Variants in CXADR observed in about 807,000 individuals in gnomAD.
CXADR encodes the protein coxsackievirus and adenovirus receptor.
Under a neutral mutation model 40.3 loss-of-function variants are expected in CXADR, and 20 were observed. The ratio of observed to expected loss-of-function variants is 0.50; its 90% CI spans 0.35 to 0.72. CXADR has a LOEUF of 0.72. Among genes scored for constraint, CXADR ranks in the 30% least tolerant of loss-of-function variants. The probability of loss-of-function intolerance (pLI) is 0.01; values close to 1 mark genes in which losing one functional copy is unlikely to be tolerated. For missense variants in CXADR, 332 were observed against 449.1 expected, an observed-to-expected ratio of 0.74 and a Z score of 2.36; for synonymous variants, 150 against 161.3, an observed-to-expected ratio of 0.93 and a Z score of 0.53.
chr21:17,593,838 A>G (rs1347203829), downstream of CXADR: 1 of 445,314 alleles, frequency 2.2e-6, no homozygotes, highest in East Asian at 4.1e-5. Flanking sequence ...TTGATGCACA[A>G]TATATAAATA....
intron 1 of CXADR, among the ~76,000 whole-genome samples, chr21:17,529,708 T>G (rs1427179706): frequency 6.6e-6 from 1 of 152,232 alleles, no homozygotes; most frequent in African/African-American, 2.4e-5. Flanking sequence ...TTGTTGCTTA[T>G]TCCTTCAGGT....
intron 7 of CXADR, among the ~76,000 whole-genome samples, chr21:17,577,612 C>CTT (rs532541050): frequency 0.055 from 2,020 of 36,586 alleles, 334 homozygotes; most frequent in African/African-American, 0.084. Context: ...ATTCTGCAAG[C>CTT]TTTTTTTTTT....
At chr21:17,540,266 T>C (rs564737346) in intron 1 of CXADR, among the ~76,000 whole-genome samples, 2 of 152,288 alleles carry the variant, frequency 1.3e-5, no homozygotes, top group South Asian at 4.1e-4. Flanking sequence ...AGGTCAGGGA[T>C]TCAACATATG....
downstream of CXADR, among the ~76,000 whole-genome samples, chr21:17,570,938 A>G (rs2061272660): frequency 6.6e-6 from 1 of 152,078 alleles, no homozygotes; most frequent in Non-Finnish European, 1.5e-5. Context: ...GTCGTAGGGG[A>G]CTGTCCTGTG....
Position 17,568,586 on chromosome 21 carries a change from T to G in CXADR, c.*2894T>G, listed in dbSNP as rs1319790305. The G allele has an allele frequency of 2.0e-5, 19 of 973,040 alleles. No homozygotes were observed. In the Admixed American group the frequency reaches 1.2e-3, roughly 59 times the overall value. The allele number at this position is 973,040 out of a possible 1,614,324, so 60.3% of individuals were successfully genotyped here. A position where few individuals can be genotyped will look rare whatever the true frequency, so the allele number is the denominator to read the frequency against. On this transcript the variant is annotated 3_prime_UTR_variant, in exon 7 of 7. Transcript: ENST00000284878. The stretch of plus-strand genomic sequence containing the variant: ...TTTTTTTTTTTTTTAAGAGATAGGG[T>G]TTCACTATTGCTCAGGCTGGTCTCA...
the CXADR span, chr21:17,604,070 C>A: frequency 8.4e-7 from 1 of 1,190,192 alleles, no homozygotes. Context: ...TCTTTCACAA[C>A]TCTATTCATT....
At chr21:17,609,170 G>A in the CXADR span, 1 of 1,595,260 alleles carries the variant, frequency 6.3e-7, no homozygotes, top group Non-Finnish European at 8.5e-7. Context: ...GATAAAACAT[G>A]TTTTCTCAGA....
At chr21:17,546,859 G>C (rs2060903223) in intron 1 of CXADR, among the ~76,000 whole-genome samples, 168 bp from the exon 2 acceptor site, 1 of 152,098 alleles carries the variant, frequency 6.6e-6, no homozygotes, top group Non-Finnish European at 1.5e-5. Flanking sequence ...TTTTACAAAG[G>C]CACAAATTAA....
intron 5 of CXADR, among the ~76,000 whole-genome samples, chr21:17,561,081 A>C (rs2061112584): frequency 6.6e-6 from 1 of 152,240 alleles, no homozygotes; most frequent in Non-Finnish European, 1.5e-5. Flanking sequence ...GTAGCTTAGA[A>C]CATTCTTATA....
Position 17,547,206 on chromosome 21 carries a change from T to A in CXADR, c.210+13T>A, listed in dbSNP as rs1401426410. 1.2e-6 allele frequency: 2 copies of A among 1,613,996 alleles called. No individual in the cohort carries two copies. Among genetic ancestry groups the A allele is most frequent in the Non-Finnish European group, 1.7e-6 (2 of 1,180,020 alleles). On this transcript the variant is annotated intron_variant, in intron 2 of 6. Transcript: ENST00000284878. Reference sequence around the variant, plus strand: ...GGTGGATCAAGTGGTAAGTTTGATATGTCCTTGCTCGCTTAGCAGCTGTCT... The same window carrying A: ...GGTGGATCAAGTGGTAAGTTTGATAAGTCCTTGCTCGCTTAGCAGCTGTCT...
Position 17,561,322 on chromosome 21 carries a change from A to G in CXADR, c.695-16A>G. The G allele has an allele frequency of 1.3e-6, 2 of 1,485,362 alleles. No homozygotes were observed. Among genetic ancestry groups the G allele is most frequent in the Non-Finnish European group, 9.1e-7 (1 of 1,099,080 alleles). 92.0% of individuals were successfully genotyped at this position (1,485,362 alleles called of 1,614,324 possible). A position where few individuals can be genotyped will look rare whatever the true frequency, so the allele number is the denominator to read the frequency against. ...TATATGTATATATTTTTTACTATTAATTCTTCTTATTTTAGCTTCAAATAA... is the reference window on the plus strand; with the variant it reads ...TATATGTATATATTTTTTACTATTAGTTCTTCTTATTTTAGCTTCAAATAA... On this transcript the variant is annotated splice_polypyrimidine_tract_variant and intron_variant, in intron 5 of 6. Transcript: ENST00000284878.
chr21:17,609,546 CAT>C, the CXADR span, among the ~76,000 whole-genome samples: 1 of 152,102 alleles, frequency 6.6e-6, no homozygotes, highest in African/African-American at 2.4e-5. Flanking sequence ...AACTTTAAAA[CAT>C]AAAAAAAGTC....
chr21:17,556,984 A>G (rs996360653), intron 3 of CXADR, among the ~76,000 whole-genome samples: 3 of 152,248 alleles, frequency 2.0e-5, no homozygotes, highest in African/African-American at 7.2e-5. Flanking sequence ...GCAGTTACTA[A>G]GACAAAGGAA....
Position 17,566,779 on chromosome 21 carries a change from A to G in CXADR, c.*1087A>G. The G allele has an allele frequency of 1.0e-6, 1 of 965,374 alleles. No individual in the cohort carries two copies. Among genetic ancestry groups the G allele is most frequent in the Non-Finnish European group, 1.2e-6 (1 of 811,786 alleles). The allele number at this position is 965,374 out of a possible 1,614,324, so 59.8% of individuals were successfully genotyped here. ...TATTTTTTATCATAAATGCAGAATA[A>G]TCAAATACATTTTAAGCAAGTTAAG... On this transcript the variant is annotated 3_prime_UTR_variant, in exon 7 of 7. Coordinates refer to ENST00000284878, the MANE Select transcript of CXADR (RefSeq NM_001338.5).
chr21:17,545,719 A>C (rs760787840), intron 1 of CXADR, among the ~76,000 whole-genome samples: 16 of 152,196 alleles, frequency 1.1e-4, no homozygotes, highest in Non-Finnish European at 1.9e-4. Flanking sequence ...AAGGGAAATA[A>C]AAAGGGATGA....
intron 1 of CXADR, among the ~76,000 whole-genome samples, chr21:17,539,589 G>A (rs1267581013): frequency 6.6e-6 from 1 of 152,164 alleles, no homozygotes; most frequent in Non-Finnish European, 1.5e-5. Flanking sequence ...TGTCTGTAAT[G>A]CCTGTTCCAC....
At chr21:17,635,753 A>C in the CXADR span, among the ~76,000 whole-genome samples, 1 of 152,184 alleles carries the variant, frequency 6.6e-6, no homozygotes, top group African/African-American at 2.4e-5. Flanking sequence ...TTTTCTTCCA[A>C]GTTGTTTTGT....
chr21:17,515,476 T>C (rs550631281), intron 1 of CXADR, among the ~76,000 whole-genome samples: 1 of 151,178 alleles, frequency 6.6e-6, no homozygotes, highest in East Asian at 1.9e-4. Context: ...TACTAATTGA[T>C]GAATGGCTTT....
chr21:17,557,216 G>GTCTC (rs373585586), intron 3 of CXADR, among the ~76,000 whole-genome samples: 127 of 152,180 alleles, frequency 8.3e-4, no homozygotes, highest in African/African-American at 2.8e-3. Context: ...AGAAAACATT[G>GTCTC]TCTCTCCCAA....
Sources: allele counts gnomAD v4.1 joint callset (sites outside exome capture counted in the v4.1 genomes callset), GRCh38; gene constraint gnomAD v4.1.1; transcripts MANE v1.5; gene names NCBI Gene and HGNC (gene_info 2026-07-23, HGNC 2026-07-21).